Variants in SATB2 observed in about 807,000 individuals in gnomAD.
The protein encoded by SATB2 is DNA-binding protein SATB2.
In SATB2, 1 loss-of-function variant was observed where a neutral mutation model predicts 73.4. The ratio of observed to expected loss-of-function variants is 0.01; its 90% CI spans 0.00 to 0.06. The LOEUF (loss-of-function observed/expected upper bound fraction) is 0.06. Among genes scored for constraint, SATB2 ranks in the 10% least tolerant of loss-of-function variants. The pLI is 1.00. For synonymous variants in SATB2, 397 were observed against 367.0 expected, an observed-to-expected ratio of 1.08 and a Z score of -0.93; for missense variants, 459 against 945.8, an observed-to-expected ratio of 0.49 and a Z score of 6.75.
At chr2:199,306,779 G>T (rs1687445237) in intron 10 of SATB2, among the ~76,000 whole-genome samples, 1 of 150,908 alleles carries the variant, frequency 6.6e-6, no homozygotes, top group East Asian at 1.9e-4. Context: ...ATAATTAATG[G>T]ACAAAAAACA....
intron 3 of SATB2, among the ~76,000 whole-genome samples, chr2:199,431,144 C>G (rs773709482): frequency 1.3e-5 from 2 of 152,200 alleles, no homozygotes; most frequent in Non-Finnish European, 2.9e-5. Flanking sequence ...AAACTTCATG[C>G]CTTCAGTCAT....
chr2:199,387,099 A>C (rs1169177312), intron 3 of SATB2, among the ~76,000 whole-genome samples: 3 of 152,168 alleles, frequency 2.0e-5, no homozygotes, highest in African/African-American at 7.2e-5. Flanking sequence ...CCTTATGAAA[A>C]CAGCCTGGAC....
intron 3 of SATB2, among the ~76,000 whole-genome samples, chr2:199,393,960 T>C (rs1474806496): frequency 2.0e-5 from 3 of 152,182 alleles, no homozygotes; most frequent in Non-Finnish European, 4.4e-5. Context: ...CTTCCTAAAA[T>C]AACAAAAGCT....
In SATB2 at chr2:199,464,301, G is replaced by A. The variant is rs543240348; in HGVS notation, c.-141+535C>T. On this transcript the variant is annotated intron_variant, in intron 1 of 11. Transcript: ENST00000260926. The surrounding 1 kb of genome is among the most constrained non-coding windows in gnomAD (Gnocchi z 6.6). ...AGAGGAACAGGGCATCGCCTCGCGC[G>A]GTCCCGGAGCCACATCCGGACTTGG... 2.0e-5 allele frequency among the ~76,000 whole-genome samples: 3 copies of A among 152,210 alleles called. No homozygotes were observed. Among genetic ancestry groups the A allele is most frequent in the Admixed American group, 6.5e-5 (1 of 15,292 alleles).
intron 9 of SATB2, among the ~76,000 whole-genome samples, chr2:199,313,270 AG>A (rs1270539729): frequency 3.3e-5 from 5 of 152,176 alleles, no homozygotes; most frequent in Admixed American, 2.0e-4. Context: ...CAAAATAAAA[AG>A]TTTTTTTTAG....
At chr2:199,449,394 A>G (rs558943987) in intron 2 of SATB2, among the ~76,000 whole-genome samples, 20 of 152,318 alleles carry the variant, frequency 1.3e-4, no homozygotes, top group South Asian at 6.2e-4. Flanking sequence ...AAAAAGCAAA[A>G]TAATTCTGTT....
At chr2:199,367,973 G>T (rs1290094058) in intron 6 of SATB2, among the ~76,000 whole-genome samples, 2 of 152,008 alleles carry the variant, frequency 1.3e-5, no homozygotes, top group Non-Finnish European at 2.9e-5. Context: ...TTAATTATTA[G>T]TAGTAGTATA....
intron 3 of SATB2, among the ~76,000 whole-genome samples, chr2:199,386,689 TGCGCAAGCGCGCGCGCGC>T (rs1246661318): frequency 2.4e-4 from 9 of 36,852 alleles, no homozygotes; most frequent in African/African-American, 1.1e-3. Flanking sequence ...TTCATACACG[TGCGCAAGCGCGCGCGCGC>T]GCGCGCGCGC....
intron 3 of SATB2, among the ~76,000 whole-genome samples, chr2:199,426,338 C>T (rs73067552): frequency 0.02 from 3,105 of 152,172 alleles, 104 homozygotes; most frequent in African/African-American, 0.07. Flanking sequence ...GCCCAGACTA[C>T]AGTGCAGTGG....
At chr2:199,430,924 T>C (rs889822772) in intron 3 of SATB2, among the ~76,000 whole-genome samples, 2 of 152,208 alleles carry the variant, frequency 1.3e-5, no homozygotes, top group Non-Finnish European at 2.9e-5. Flanking sequence ...AGAGTCTTGA[T>C]TTTTAAGATG....
At chr2:199,470,669 C>T (rs1692686004) in intron 1 of SATB2, 1 of 152,380 alleles carries the variant, frequency 6.6e-6, no homozygotes, top group Admixed American at 6.5e-5. Context: ...GCAAATTTGG[C>T]TTCCCAGGTA....
At chr2:199,281,707 C>T (rs1252164976) in intron 10 of SATB2, among the ~76,000 whole-genome samples, 1 of 151,812 alleles carries the variant, frequency 6.6e-6, no homozygotes. Context: ...TAATTTTGGC[C>T]CAAACATTCA....
At chr2:199,354,340 A>C (rs776557645) in intron 6 of SATB2, among the ~76,000 whole-genome samples, 25 of 152,196 alleles carry the variant, frequency 1.6e-4, no homozygotes, top group Non-Finnish European at 2.8e-4. Flanking sequence ...TGGGTGACAG[A>C]GTGAGATTCT....
At chr2:199,284,069 C>T (rs1203183971) in intron 10 of SATB2, among the ~76,000 whole-genome samples, 1 of 152,202 alleles carries the variant, frequency 6.6e-6, no homozygotes, top group Non-Finnish European at 1.5e-5. Flanking sequence ...AAATATCTGA[C>T]AGCATTTGTT....
At chr2:199,402,322 T>C (rs932391134) in intron 3 of SATB2, among the ~76,000 whole-genome samples, 1 of 151,882 alleles carries the variant, frequency 6.6e-6, no homozygotes, top group African/African-American at 2.4e-5. Context: ...AAGGTGGAGG[T>C]TGCAGTGAGC....
chr2:199,370,730 T>C (rs1689419868), intron 5 of SATB2, among the ~76,000 whole-genome samples: 1 of 152,088 alleles, frequency 6.6e-6, no homozygotes. Context: ...ATATCTTCAA[T>C]TGACCCTGCA....
At position 199,308,744 on chromosome 2, in the gene SATB2, G is replaced by A. The variant is rs777264256; in HGVS notation, c.1740+16C>T. The A allele has an allele frequency of 1.4e-5, 22 of 1,611,742 alleles. No individual in the cohort carries two copies. Among genetic ancestry groups the A allele is most frequent in the African/African-American group, 6.7e-5 (5 of 74,854 alleles). On this transcript the variant is annotated intron_variant, in intron 10 of 10. Transcript: ENST00000417098. This position sits in a 1 kb window ranked among gnomAD's most constrained non-coding sequence, Gnocchi z 4.6. ...GAGCCCTGATCAGGTGGGGTACGGC[G>A]GTCGGGGACACTGACCTGCACCGGC...
intron 2 of SATB2, among the ~76,000 whole-genome samples, chr2:199,450,620 T>G (rs181881966): frequency 5.9e-5 from 9 of 152,218 alleles, no homozygotes; most frequent in Non-Finnish European, 8.8e-5. Flanking sequence ...TAAAAAGCTT[T>G]AAAAGATAAG....
intron 7 of SATB2, among the ~76,000 whole-genome samples, chr2:199,333,565 C>T (rs1688251794): frequency 6.6e-6 from 1 of 152,006 alleles, no homozygotes; most frequent in Admixed American, 6.6e-5. Flanking sequence ...CAAGACAAGC[C>T]TCTGTTTCCT....
Sources: gnomAD v4.1 joint callset for allele counts (sites outside exome capture counted in the v4.1 genomes callset) on GRCh38, gnomAD v4.1.1 for gene constraint, Gnocchi (gnomAD v3.1) non-coding constraint, MANE v1.5 for transcripts, NCBI Gene and HGNC (gene_info 2026-07-23, HGNC 2026-07-21) for gene names.